The following MACF1 variants were observed in gnomAD, a reference collection of about 807,000 sequenced individuals.
MACF1 encodes microtubule-actin cross-linking factor 1.
Under a neutral mutation model 854.8 loss-of-function variants are expected in MACF1, and 193 were observed. The observed-to-expected ratio is 0.23, with a 90% CI of 0.20 to 0.25. MACF1 has a LOEUF of 0.25. Among genes scored for constraint, MACF1 ranks in the 10% least tolerant of loss-of-function variants. The probability of loss-of-function intolerance (pLI) is 1.00; values close to 1 mark genes in which losing one functional copy is unlikely to be tolerated. For missense variants in MACF1, 7,722 were observed against 8,929.1 expected (o/e 0.86, Z 5.45); for synonymous variants, 3,185 against 3,226.7 (o/e 0.99, Z 0.44).
rs759010635 is a variant in MACF1 at position 39,333,472 on chromosome 1, G to A, written c.6884G>A (p.Gly2295Asp). Reference protein sequence around the residue: ...LNVLSAQLLDGGIFHEQTGQK... With the variant: ...LNVLSAQLLDDGIFHEQTGQK... ...GTATTATCTGCACAGTTACTAGATG[G>A]TGGTATCTTTCATGAACAAACAGGT... The change falls in exon 37 of 101, where the codon GGT (glycine) becomes GAT (aspartate). Residue 2295 changes from glycine to aspartate, a missense_variant. Transcript: ENST00000564288. 1.9e-6 allele frequency: 3 copies of A among 1,614,176 alleles called. No individual in the cohort carries two copies. Among genetic ancestry groups the A allele is most frequent in the Non-Finnish European group, 2.5e-6 (3 of 1,180,028 alleles).
chr1:39,316,997 T>C (rs753260192), intron 28 of MACF1, among the ~76,000 whole-genome samples: 2 of 152,252 alleles, frequency 1.3e-5, no homozygotes, highest in Non-Finnish European at 1.5e-5. Context: ...TCTATGCACA[T>C]TTCTCTATAG....
intron 47 of MACF1, among the ~76,000 whole-genome samples, chr1:39,360,584 C>G (rs1261653332): frequency 1.3e-5 from 2 of 151,458 alleles, no homozygotes; most frequent in African/African-American, 4.8e-5. Context: ...TGCCTGTAAT[C>G]CAGGCACTTT....
Position 39,486,286 on chromosome 1 carries a change from G to C in MACF1, c.*492G>C, listed in dbSNP as rs1645099766. 1 of 152,664 alleles carries C rather than the reference G, an allele frequency of 6.6e-6. No individual in the cohort carries two copies. The highest frequency in any genetic ancestry group is 1.9e-4 in the East Asian group (1 of 5,186). The allele number at this position is 152,664 out of a possible 1,614,324, so 9.5% of individuals were successfully genotyped here. On this transcript the variant is annotated 3_prime_UTR_variant, in exon 101 of 101. Coordinates refer to ENST00000564288, the MANE Select transcript of MACF1 (RefSeq NM_001394062.1). ...TCAATTAGCAAGAACTGAGGGGAGG[G>C]CTTTTTCCATTGTTTAATGTTTTGT...
chr1:39,192,650 T>C (rs659286), intron 2 of MACF1, among the ~76,000 whole-genome samples: 145,177 of 152,270 alleles, frequency 0.95, 69,284 homozygotes, highest in East Asian at 1. Context: ...TTTAAAAACT[T>C]AGTCTTCTGT....
At chr1:39,322,180 C>T (rs529436684) in intron 31 of MACF1, among the ~76,000 whole-genome samples, 3 of 152,258 alleles carry the variant, frequency 2.0e-5, no homozygotes, top group African/African-American at 7.2e-5. Flanking sequence ...TTCACTTTCC[C>T]CACAGGTGAG....
intron 2 of MACF1, among the ~76,000 whole-genome samples, chr1:39,126,215 G>T (rs1175114919): frequency 6.6e-6 from 1 of 152,156 alleles, no homozygotes; most frequent in Non-Finnish European, 1.5e-5. Context: ...CCTTGTGAAG[G>T]CTGTGAGGGA....
chr1:39,153,596 A>G (rs2148199016), intron 2 of MACF1, among the ~76,000 whole-genome samples: 2 of 152,278 alleles, frequency 1.3e-5, no homozygotes, highest in East Asian at 3.9e-4. Flanking sequence ...ACGTGAAGTA[A>G]TTACCCAGGC....
At chr1:39,426,938 A>G (rs1643748082) in intron 61 of MACF1, among the ~76,000 whole-genome samples, 1 of 152,104 alleles carries the variant, frequency 6.6e-6, no homozygotes, top group South Asian at 2.1e-4. Flanking sequence ...AGGGAGTTCT[A>G]GTTCATAGGC....
chr1:39,367,342 G>T (rs1648809019), intron 49 of MACF1, among the ~76,000 whole-genome samples: 1 of 147,970 alleles, frequency 6.8e-6, no homozygotes, highest in South Asian at 2.1e-4. Flanking sequence ...TGCATTGGCT[G>T]TTTTTTTTTT....
chr1:39,356,046 T>C (rs1557606257), intron 44 of MACF1, among the ~76,000 whole-genome samples: 1 of 152,172 alleles, frequency 6.6e-6, no homozygotes, highest in African/African-American at 2.4e-5. Flanking sequence ...TGATCTGTAG[T>C]CCTTCTCTAA....
intron 58 of MACF1, among the ~76,000 whole-genome samples, chr1:39,401,690 C>T (rs1194229045): frequency 6.6e-6 from 1 of 152,184 alleles, no homozygotes; most frequent in Non-Finnish European, 1.5e-5. Context: ...AGATTTTCTC[C>T]ATCTTGAATT....
chr1:39,432,935 C>T, intron 67 of MACF1, 113 bp from the exon 68 acceptor site: 1 of 683,404 alleles, frequency 1.5e-6, no homozygotes, highest in Non-Finnish European at 2.4e-6. Context: ...GGCAAAGTGT[C>T]AAACTGTATA....
At chr1:39,106,372 G>C (rs1189944293) in intron 2 of MACF1, among the ~76,000 whole-genome samples, 1 of 152,144 alleles carries the variant, frequency 6.6e-6, no homozygotes. Flanking sequence ...AGCCCTGAAG[G>C]CTCTCTTGCG....
chr1:39,363,858 C>T (rs1173087359), intron 49 of MACF1, among the ~76,000 whole-genome samples: 5 of 152,050 alleles, frequency 3.3e-5, no homozygotes, highest in Non-Finnish European at 7.4e-5. Flanking sequence ...GTGATCTGCC[C>T]GCCTCGGCCT....
In MACF1 at chr1:39,333,652, T is replaced by C. The variant is rs750610541; in HGVS notation, c.7064T>C (p.Met2355Thr). Residue 2355 changes from methionine to threonine, a missense_variant, in exon 37 of 101, where the codon ATG becomes ACG. Physicochemically the swap from Met to Thr is moderately conservative, Grantham distance 81. This residue lies in a region of MACF1 where 1,531 missense variants were observed against 1,601.6 expected (regional missense o/e 0.96). Coordinates refer to ENST00000564288, the MANE Select transcript of MACF1 (RefSeq NM_001394062.1). ...GAAGAAGTCATTAATGAAGGTCTGA[T>C]GGATGAGAAATTATTACATAATGTC... is the stretch of plus-strand genomic sequence containing the variant. Reference protein sequence around the residue: ...TTEEVINEGLMDEKLLHNVLM... With the variant: ...TTEEVINEGLTDEKLLHNVLM... The C allele has an allele frequency of 1.2e-6, 2 of 1,614,198 alleles. No individual in the cohort carries two copies. Among genetic ancestry groups the C allele is most frequent in the South Asian group, 2.2e-5 (2 of 91,084 alleles).
At chr1:39,197,535 G>A (rs1444386440) in intron 2 of MACF1, among the ~76,000 whole-genome samples, 1 of 152,166 alleles carries the variant, frequency 6.6e-6, no homozygotes, top group African/African-American at 2.4e-5. Context: ...GTAGCAAATA[G>A]GGCAGGGAAA....
At chr1:39,267,919 T>C (rs1645252739) in intron 6 of MACF1, among the ~76,000 whole-genome samples, 1 of 152,192 alleles carries the variant, frequency 6.6e-6, no homozygotes, top group Non-Finnish European at 1.5e-5. Flanking sequence ...ATCTTTAAAG[T>C]CTGTGTTCCT....
In MACF1 at chr1:39,226,315, A is replaced by G. The variant is rs1012092530; in HGVS notation, c.110-4867A>G. On this transcript the variant is annotated intron_variant, in intron 1 of 100. Transcript: ENST00000564288. ...CATTACCGTTATGGAAGGGCTTGGT[A>G]GATGAACAGAATAATTTATGGATAG... Among the ~76,000 whole-genome samples the G allele has an allele frequency of 4.6e-5, 7 of 152,156 alleles. No individual in the cohort carries two copies. The East Asian group carries it at 9.6e-4, about 21-fold the overall frequency.
Position 39,476,740 on chromosome 1 carries a change from C to T in MACF1, c.21959-3058C>T, listed in dbSNP as rs148911014. Among the ~76,000 whole-genome samples the T allele has an allele frequency of 1.3e-4, 20 of 151,970 alleles. No individual in the cohort carries two copies. The East Asian group carries it at 3.7e-3, about 28-fold the overall frequency. On this transcript the variant is annotated intron_variant, in intron 97 of 100. Coordinates refer to ENST00000564288, the MANE Select transcript of MACF1 (RefSeq NM_001394062.1). The stretch of plus-strand genomic sequence containing the variant: ...ATCCATATGATGAAATAATACTTAG[C>T]AGCTAGTTAAAATTTTGCATGAGAC...
Sources: gnomAD v4.1 joint callset for allele counts (sites outside exome capture counted in the v4.1 genomes callset) on GRCh38, gnomAD v4.1.1 for gene constraint, gnomAD v4.1.1 regional missense constraint, MANE v1.5 for transcripts, NCBI Gene and HGNC (gene_info 2026-07-23, HGNC 2026-07-21) for gene names.